ROPN1B: variants seen among roughly 807,000 people sequenced by gnomAD.
ROPN1B encodes ropporin-1B.
ROPN1B carries 13 observed loss-of-function variants against 23.7 expected under a neutral mutation model. The ratio of observed to expected loss-of-function variants is 0.55; its 90% CI spans 0.36 to 0.87. The LOEUF (loss-of-function observed/expected upper bound fraction) is 0.87, where lower values mean the gene tolerates loss of function less well. Among genes scored for constraint, ROPN1B ranks in the 40% least tolerant of loss-of-function variants. The probability of loss-of-function intolerance (pLI) is 0.01; values close to 1 mark genes in which losing one functional copy is unlikely to be tolerated. For synonymous variants in ROPN1B, 67 were observed against 100.4 expected, an observed-to-expected ratio of 0.67 and a Z score of 1.99; for missense variants, 183 against 249.2, an observed-to-expected ratio of 0.73 and a Z score of 1.79.
Position 125,975,644 on chromosome 3 carries a change from G to A in ROPN1B, c.198G>A (p.Glu66=). 6.2e-7 allele frequency: 1 copy of A among 1,614,090 alleles called. No homozygotes were observed. Among genetic ancestry groups the A allele is most frequent in the Non-Finnish European group, 8.5e-7 (1 of 1,179,976 alleles). Residue 66 remains glutamate (E), a synonymous_variant, in exon 4 of 7, where the codon GAG becomes GAA. Transcript: ENST00000514116. ...GAGTCGCTTTGTGTAACTGGGCAGA[G>A]CTAACACCTGAGCTGTTAAAGATCC... ...SERVALCNWA[E]LTPELLKILH... is the part of the protein sequence containing the mutation.
In ROPN1B at chr3:125,983,293, C is replaced by G; in HGVS notation, c.612C>G (p.Thr204=). The part of the protein sequence containing the change: ...PDGLITVNDF[T]QNPRVWLE ...GTTTAATCACGGTGAATGACTTTAC[C>G]CAAAACCCCAGGGTTTGGCTGGAGT... Residue 204 remains threonine (T), a synonymous_variant, in exon 7 of 7, where the codon ACC becomes ACG. Transcript: ENST00000514116. 1.2e-6 allele frequency: 2 copies of G among 1,613,550 alleles called. No individual in the cohort carries two copies. The highest frequency in any genetic ancestry group is 1.7e-6 in the Non-Finnish European group (2 of 1,179,658).
At chr3:125,979,624 TA>T (rs1938541889) in intron 5 of ROPN1B, among the ~76,000 whole-genome samples, 1 of 152,228 alleles carries the variant, frequency 6.6e-6, no homozygotes, top group Admixed American at 6.5e-5. Flanking sequence ...TTACCCAGTC[TA>T]AGGTATTTTA....
At chr3:125,980,320 T>TTAA (rs1439202765) in intron 5 of ROPN1B, among the ~76,000 whole-genome samples, 3 of 152,216 alleles carry the variant, frequency 2.0e-5, no homozygotes, top group Non-Finnish European at 4.4e-5. Flanking sequence ...TAAAAGATGA[T>TTAA]GTTTAGAGTT....
At chr3:125,980,899 C>T (rs1938590091) in intron 5 of ROPN1B, among the ~76,000 whole-genome samples, 8 of 152,102 alleles carry the variant, frequency 5.3e-5, no homozygotes, top group Admixed American at 5.2e-4. Context: ...TACTTGTTAG[C>T]CCCATGCCTG....
At chr3:125,972,264 G>A (rs1406164596) in intron 3 of ROPN1B, 94 bp downstream of exon 3, 2 of 1,159,552 alleles carry the variant, frequency 1.7e-6, no homozygotes, top group Non-Finnish European at 2.5e-6. Flanking sequence ...GCAGCCAGGG[G>A]GTCGGGACTA....
At chr3:125,981,396 C>T (rs1419489489) in intron 5 of ROPN1B, among the ~76,000 whole-genome samples, 1 of 152,198 alleles carries the variant, frequency 6.6e-6, no homozygotes, top group Non-Finnish European at 1.5e-5. Flanking sequence ...TTTTCACTCA[C>T]CCTAAGTCAC....
At chr3:125,970,122 A>C (rs1470348700) in intron 1 of ROPN1B, 35 of 150,368 alleles carry the variant, frequency 2.3e-4, no homozygotes, top group Admixed American at 1.1e-3. Context: ...GGGGAGACAC[A>C]TGTTACTCAA....
chr3:125,973,048 T>G (rs1362423509), intron 3 of ROPN1B: 5 of 363,226 alleles, frequency 1.4e-5, no homozygotes, highest in Non-Finnish European at 2.7e-5. Flanking sequence ...GAGACAGGAG[T>G]TGGAAGATAA....
intron 5 of ROPN1B, among the ~76,000 whole-genome samples, chr3:125,981,061 G>A (rs1219867077): frequency 1.3e-5 from 2 of 152,014 alleles, no homozygotes; most frequent in Non-Finnish European, 2.9e-5. Flanking sequence ...GTTTATTGAA[G>A]ATTCTGTTTC....
At chr3:125,976,787 A>G (rs386470195) in intron 4 of ROPN1B, 911 of 758,822 alleles carry the variant, frequency 1.2e-3, no homozygotes, top group Non-Finnish European at 2.0e-3. Flanking sequence ...TCTGACACCT[A>G]AAGTTTGACA....
chr3:125,974,745 G>A (rs1359079314), intron 3 of ROPN1B, among the ~76,000 whole-genome samples: 1 of 152,180 alleles, frequency 6.6e-6, no homozygotes, highest in Non-Finnish European at 1.5e-5. Context: ...AAACATTGAG[G>A]AGCAGGCAGA....
At chr3:125,970,003 C>T (rs1444780558) in intron 1 of ROPN1B, 4 of 151,118 alleles carry the variant, frequency 2.6e-5, no homozygotes, top group Admixed American at 1.3e-4. Flanking sequence ...ACTGCTATCA[C>T]GCATTCATTT....
At chr3:125,982,569 C>A in intron 6 of ROPN1B, 124 bp downstream of exon 6, 3 of 734,412 alleles carry the variant, frequency 4.1e-6, no homozygotes, top group South Asian at 3.1e-5. Context: ...CATGAAATAT[C>A]GATCTGAAAG....
intron 3 of ROPN1B, chr3:125,973,316 G>T: frequency 3.3e-6 from 1 of 299,390 alleles, no homozygotes; most frequent in Non-Finnish European, 6.5e-6. Flanking sequence ...TTGTGCTCCT[G>T]GTCTGGATTA....
chr3:125,974,842 GCTTCT>G lies in ROPN1B; in HGVS notation c.117-713_117-709del, dbSNP rs1323601483. Among the ~76,000 whole-genome samples, 5 of 152,188 alleles carry G rather than the reference GCTTCT, an allele frequency of 3.3e-5. No homozygotes were observed. The East Asian group carries it at 9.6e-4, about 29-fold the overall frequency. On this transcript the variant is annotated intron_variant, in intron 3 of 6. Coordinates refer to ENST00000514116, the MANE Select transcript of ROPN1B (RefSeq NM_001308313.2). ...TTAAGGTTGTCTCAAACCTTCTTTG[GCTTCT>G]CTTCTCTCCTGAGCCTTGCACAGTG...
intron 5 of ROPN1B, among the ~76,000 whole-genome samples, chr3:125,979,578 C>T (rs1263608881): frequency 1.3e-5 from 2 of 152,116 alleles, no homozygotes; most frequent in Non-Finnish European, 2.9e-5. Context: ...TTCCCAGACT[C>T]CAAAACTGTG....
chr3:125,980,485 G>A lies in ROPN1B; in HGVS notation c.397-1785G>A, dbSNP rs115473171. On this transcript the variant is annotated intron_variant, in intron 5 of 6. Coordinates refer to ENST00000514116, the MANE Select transcript of ROPN1B (RefSeq NM_001308313.2). ...GACGTTTCTCCTTGGCTTAAAAATGGCCAGCTTCTCGAACTGTGTCCCTCT... is the reference window on the plus strand; with the variant it reads ...GACGTTTCTCCTTGGCTTAAAAATGACCAGCTTCTCGAACTGTGTCCCTCT... 5.4e-3 allele frequency among the ~76,000 whole-genome samples: 818 copies of A among 152,200 alleles called. 9 individuals are homozygous for A. Among genetic ancestry groups the A allele is most frequent in the African/African-American group, 0.019 (783 of 41,518 alleles).
At chr3:125,975,953 C>T (rs1302577454) in intron 4 of ROPN1B, among the ~76,000 whole-genome samples, 1 of 152,126 alleles carries the variant, frequency 6.6e-6, no homozygotes, top group African/African-American at 2.4e-5. Context: ...TCTTGTCTCT[C>T]CAGAAAAGTG....
rs546044016 is a variant in ROPN1B at position 125,970,435 on chromosome 3, T to TA, written c.-58-681dup. 2.5e-3 allele frequency among the ~76,000 whole-genome samples: 381 copies of TA among 152,340 alleles called. 4 individuals carry two copies. The highest frequency in any genetic ancestry group is 4.2e-3 in the Non-Finnish European group (287 of 68,024). ...TCATTTATGAAATGGAAGCCCTGTT[T>TA]AGCCCATACCAATAAAAACAAGTGA... On this transcript the variant is annotated intron_variant, in intron 1 of 6. Coordinates refer to ENST00000514116, the MANE Select transcript of ROPN1B (RefSeq NM_001308313.2).
Sources: gnomAD v4.1 joint callset for allele counts (sites outside exome capture counted in the v4.1 genomes callset) on GRCh38, gnomAD v4.1.1 for gene constraint, MANE v1.5 for transcripts, NCBI Gene and HGNC (gene_info 2026-07-23, HGNC 2026-07-21) for gene names.